The following ADD3 variants were observed in gnomAD, a reference collection of about 807,000 sequenced individuals.
ADD3 encodes the protein gamma-adducin.
ADD3 carries 25 observed loss-of-function variants against 80.2 expected under a neutral mutation model. The ratio of observed to expected loss-of-function variants is 0.31; its 90% confidence interval spans 0.23 to 0.44. The LOEUF is 0.44. ADD3 is among the 20% of genes least tolerant of loss of function. The pLI, the probability that ADD3 is intolerant of heterozygous loss-of-function variation, is 1.00. For synonymous variants in ADD3, 284 were observed against 289.6 expected (o/e 0.98, Z 0.20); for missense variants, 829 against 847.5 (o/e 0.98, Z 0.27).
intron 13 of ADD3, among the ~76,000 whole-genome samples, chr10:110,130,965 T>C (rs959456506): frequency 3.9e-5 from 6 of 152,148 alleles, no homozygotes; most frequent in Non-Finnish European, 2.9e-5. Flanking sequence ...CTAGCCAAAG[T>C]AGATGTAGAT....
chr10:110,038,175 G>A (rs78893812), intron 1 of ADD3, among the ~76,000 whole-genome samples: 1,742 of 151,942 alleles, frequency 0.011, 29 homozygotes, highest in African/African-American at 0.037. Flanking sequence ...TTATATTAAG[G>A]TAGGTTATCT....
At chr10:110,052,567 C>T (rs1857642250) in intron 1 of ADD3, among the ~76,000 whole-genome samples, 1 of 152,214 alleles carries the variant, frequency 6.6e-6, no homozygotes, top group Non-Finnish European at 1.5e-5. Flanking sequence ...TCCCGACCCC[C>T]AGTCTGTGGA....
chr10:110,070,724 C>A (rs1338931830), intron 1 of ADD3, among the ~76,000 whole-genome samples: 1 of 152,012 alleles, frequency 6.6e-6, no homozygotes, highest in Non-Finnish European at 1.5e-5. Context: ...CAGAGTTATG[C>A]AGGGGTTGAA....
intron 1 of ADD3, among the ~76,000 whole-genome samples, chr10:110,010,423 A>G (rs1438869662): frequency 6.6e-6 from 1 of 151,892 alleles, no homozygotes; most frequent in Non-Finnish European, 1.5e-5. Flanking sequence ...GGCTCTGAAC[A>G]AACTGTGTAG....
Position 110,075,275 on chromosome 10 carries a change from C to G in ADD3, c.-29-25350C>G, listed in dbSNP as rs1029494302. 2.0e-5 allele frequency among the ~76,000 whole-genome samples: 3 copies of G among 152,060 alleles called. No homozygotes were observed. The South Asian group carries it at 6.2e-4, about 31-fold the overall frequency. Reference sequence around the variant, plus strand: ...TCTCCTTTATTGGAAGGGTGATATTCAGAAGGGAGAATATTTTTTCATGTA... The same window carrying G: ...TCTCCTTTATTGGAAGGGTGATATTGAGAAGGGAGAATATTTTTTCATGTA... On this transcript the variant is annotated intron_variant, in intron 1 of 14. Transcript: ENST00000356080.
intron 1 of ADD3, among the ~76,000 whole-genome samples, chr10:110,013,263 C>T (rs1035784092): frequency 2.6e-5 from 4 of 151,908 alleles, no homozygotes; most frequent in African/African-American, 4.8e-5. Context: ...CCACCACTAC[C>T]GGCTCATTTT....
intron 3 of ADD3, among the ~76,000 whole-genome samples, chr10:110,113,724 G>A (rs1232621366): frequency 6.6e-6 from 1 of 152,184 alleles, no homozygotes; most frequent in Non-Finnish European, 1.5e-5. Context: ...TATATTTTCT[G>A]TGTGAAGAAT....
At chr10:110,132,234 C>G (rs1446533112) in intron 13 of ADD3, 71 bp from the exon 14 acceptor site, 3 of 1,067,744 alleles carry the variant, frequency 2.8e-6, no homozygotes, top group East Asian at 2.4e-5. Flanking sequence ...GATGTATGCA[C>G]TAACCTCCCT....
intron 1 of ADD3, among the ~76,000 whole-genome samples, chr10:110,028,468 G>A (rs897315060): frequency 6.6e-6 from 1 of 152,136 alleles, no homozygotes; most frequent in East Asian, 1.9e-4. Flanking sequence ...GGAGGCCAAG[G>A]CAGGGAGAAT....
Position 110,123,674 on chromosome 10 carries a change from C to G in ADD3, c.1144-343C>G, listed in dbSNP as rs551838117. On this transcript the variant is annotated intron_variant, in intron 9 of 14. Transcript: ENST00000356080. ...TCAGAAGGCTGACTGCCTTCAGACC[C>G]AGGAACAGAGACTTAAATGAGCACT... is the stretch of plus-strand genomic sequence containing the variant. 6.6e-5 allele frequency among the ~76,000 whole-genome samples: 10 copies of G among 152,284 alleles called. No homozygotes were observed. The East Asian group carries it at 1.9e-3, about 29-fold the overall frequency.
intron 3 of ADD3, among the ~76,000 whole-genome samples, chr10:110,115,079 CTA>C (rs1491262532): frequency 1.7e-5 from 2 of 115,376 alleles, no homozygotes; most frequent in African/African-American, 7.9e-5. Context: ...ACCCCTGCCT[CTA>C]AAAAAAAAAA....
At chr10:110,035,000 C>T (rs193171631) in intron 1 of ADD3, among the ~76,000 whole-genome samples, 1 of 152,168 alleles carries the variant, frequency 6.6e-6, no homozygotes, top group East Asian at 1.9e-4. Flanking sequence ...TTGCCATTAA[C>T]CCTCAAACCA....
intron 1 of ADD3, among the ~76,000 whole-genome samples, chr10:110,034,988 C>T (rs1053475721): frequency 1.3e-5 from 2 of 152,182 alleles, no homozygotes; most frequent in Non-Finnish European, 2.9e-5. Flanking sequence ...AAAAATAGTT[C>T]TTTGCCATTA....
chr10:110,090,292 T>G (rs893585218), intron 1 of ADD3, among the ~76,000 whole-genome samples: 1 of 147,688 alleles, frequency 6.8e-6, no homozygotes, highest in African/African-American at 2.6e-5. Flanking sequence ...TGATCTCAGC[T>G]CACTGCAACC....
chr10:110,052,164 A>G (rs1275948456), intron 1 of ADD3, among the ~76,000 whole-genome samples: 1 of 152,306 alleles, frequency 6.6e-6, no homozygotes, highest in Non-Finnish European at 1.5e-5. Flanking sequence ...GAATTGAAAA[A>G]AAATGTACCA....
intron 1 of ADD3, among the ~76,000 whole-genome samples, chr10:110,019,886 TAAGAG>T (rs1163558155): frequency 6.6e-6 from 1 of 152,184 alleles, no homozygotes; most frequent in African/African-American, 2.4e-5. Context: ...ATGTGGCACT[TAAGAG>T]AAGGACATCA....
intron 1 of ADD3, among the ~76,000 whole-genome samples, chr10:110,068,244 T>C (rs1484357603): frequency 6.6e-6 from 1 of 152,208 alleles, no homozygotes; most frequent in Non-Finnish European, 1.5e-5. Flanking sequence ...CCTGTCACTT[T>C]GCTTCTCAGA....
rs1851817840 is a variant in ADD3, at chr10:110,007,998, C to T, written c.-331C>T. ...CTAGTCCCGCCAGAGCGCGAGCCGC[C>T]AGCCCGTAACGGTCGCCAGTGTGAG... On this transcript the variant is annotated 5_prime_UTR_variant, in exon 1 of 15. Transcript: ENST00000356080. The T allele has an allele frequency of 6.6e-6, 1 of 152,174 alleles. No individual in the cohort carries two copies. The highest frequency in any genetic ancestry group is 1.5e-5 in the Non-Finnish European group (1 of 68,080). 9.4% of individuals were successfully genotyped at this position (152,174 alleles called of 1,614,324 possible).
At chr10:110,128,739 G>T (rs548178958) in intron 12 of ADD3, among the ~76,000 whole-genome samples, 5 of 152,258 alleles carry the variant, frequency 3.3e-5, no homozygotes, top group Middle Eastern at 3.4e-3. Flanking sequence ...TTTAATAAGA[G>T]TTCTTATTCC....
Sources: gnomAD v4.1 joint callset for allele counts (sites outside exome capture counted in the v4.1 genomes callset) on GRCh38, gnomAD v4.1.1 for gene constraint, MANE v1.5 for transcripts, NCBI Gene and HGNC (gene_info 2026-07-23, HGNC 2026-07-21) for gene names.